The following RAPGEF2 variants were observed in gnomAD, a reference collection of about 807,000 sequenced individuals.
RAPGEF2 encodes the protein PDZ domain containing guanine nucleotide exchange factor (GEF) 1.
A neutral mutation model predicts 186.7 loss-of-function variants in RAPGEF2; 54 were observed. That is an observed-to-expected ratio of 0.29 (90% confidence interval 0.23 to 0.36). The LOEUF (loss-of-function observed/expected upper bound fraction) is 0.36. Ranked by LOEUF, RAPGEF2 falls within the 10% of genes least tolerant of loss-of-function variation. RAPGEF2 has a pLI of 1.00. For synonymous variants in RAPGEF2, 712 were observed against 705.9 expected, an observed-to-expected ratio of 1.01 and a Z score of -0.14; for missense variants, 1,532 against 2,045.0, an observed-to-expected ratio of 0.75 and a Z score of 4.84.
chr4:159,170,552 G>A (rs769940325), intron 1 of RAPGEF2, among the ~76,000 whole-genome samples: 7 of 152,100 alleles, frequency 4.6e-5, no homozygotes, highest in South Asian at 2.1e-4. Context: ...TAGGCTACAC[G>A]CAAACCCTAT....
At chr4:159,131,888 C>T (rs1183412405) in intron 1 of RAPGEF2, among the ~76,000 whole-genome samples, 1 of 152,020 alleles carries the variant, frequency 6.6e-6, no homozygotes, top group African/African-American at 2.4e-5. Context: ...GTTCTCTATG[C>T]TAACTGAAAA....
chr4:159,268,059 T>C (rs921143795), intron 7 of RAPGEF2: 11 of 1,491,880 alleles, frequency 7.4e-6, no homozygotes, highest in Non-Finnish European at 8.9e-6. Flanking sequence ...TTTTTTTTTT[T>C]CCTTTTTCTT....
intron 7 of RAPGEF2, chr4:159,267,632 G>T (rs1757578258): frequency 1.6e-6 from 1 of 644,960 alleles, no homozygotes; most frequent in Non-Finnish European, 2.1e-6. Context: ...TTTTCTCTTG[G>T]TTGGAGGGTT....
In RAPGEF2 at chr4:159,343,186, C is replaced by A; in HGVS notation, c.3126C>A (p.His1042Gln). ...PVIKKDLTFLHEGNDSKVDGL... is the reference protein window; with the variant it reads ...PVIKKDLTFLQEGNDSKVDGL... ...TCAAAAAGGATCTCACCTTCCTTCA[C>A]GAAGGTAAACATAAGGCAGAGGGTT... Residue 1042 changes from histidine to glutamine, a missense_variant, in exon 21 of 30, where the codon CAC becomes CAA. Physicochemically the swap from His to Gln is conservative, Grantham distance 24. Transcript: ENST00000691494. The A allele has an allele frequency of 3.1e-6, 5 of 1,613,852 alleles. No homozygotes were observed. The highest frequency in any genetic ancestry group is 1.1e-5 in the South Asian group (1 of 91,074).
At chr4:159,203,690 A>G (rs1353707884) in intron 3 of RAPGEF2, among the ~76,000 whole-genome samples, 1 of 152,230 alleles carries the variant, frequency 6.6e-6, no homozygotes, top group Non-Finnish European at 1.5e-5. Flanking sequence ...TTTGCAGCAT[A>G]AGGAATGTTG....
intron 14 of RAPGEF2, 38 bp from the exon 15 acceptor site, chr4:159,331,592 G>C: frequency 6.2e-7 from 1 of 1,611,576 alleles, no homozygotes. Context: ...TATTCAGCCT[G>C]TTCTTGAGTT....
chr4:159,234,475 C>A (rs539276608), intron 4 of RAPGEF2, among the ~76,000 whole-genome samples: 5 of 150,916 alleles, frequency 3.3e-5, no homozygotes, highest in Admixed American at 3.3e-4. Context: ...CTCTGCCTTC[C>A]GGGTTCAGGT....
At chr4:159,158,424 C>T (rs997569630) in intron 1 of RAPGEF2, among the ~76,000 whole-genome samples, 2 of 152,180 alleles carry the variant, frequency 1.3e-5, no homozygotes, top group Admixed American at 1.3e-4. Flanking sequence ...AGTTAATCTC[C>T]AGTCTCCCAA....
intron 20 of RAPGEF2, among the ~76,000 whole-genome samples, chr4:159,342,295 A>G (rs1444317713): frequency 2.0e-5 from 3 of 152,072 alleles, no homozygotes; most frequent in Admixed American, 2.0e-4. Context: ...AAATAACAAT[A>G]CCGCAAAGAG....
At chr4:159,333,966 T>C (rs527734532) in intron 17 of RAPGEF2, among the ~76,000 whole-genome samples, 7 of 152,196 alleles carry the variant, frequency 4.6e-5, no homozygotes, top group Non-Finnish European at 8.8e-5. Context: ...ATTAGAGAAA[T>C]GTGATTTAAA....
In RAPGEF2 at chr4:159,286,030, A is replaced by AACCACCACCACC. The variant is rs35426817; in HGVS notation, c.544-18271_544-18260dup. Among the ~76,000 whole-genome samples, 850 of 89,274 alleles carry AACCACCACCACC rather than the reference A, an allele frequency of 9.5e-3. 12 individuals are homozygous for AACCACCACCACC. The highest frequency in any genetic ancestry group is 0.016 in the South Asian group (30 of 1,888). The allele number at this position is 89,274 out of a possible 152,430, so 58.6% of individuals were successfully genotyped here. ...CTCTTAACACTTAACTGTTCCCCCC[A>AACCACCACCACC]ACCACCACCACCACCACCACCACCA... On this transcript the variant is annotated intron_variant, in intron 7 of 29. Coordinates refer to ENST00000691494, the MANE Select transcript of RAPGEF2 (RefSeq NM_001394067.2).
chr4:159,275,331 G>T (rs920905184), intron 7 of RAPGEF2, among the ~76,000 whole-genome samples: 7 of 152,036 alleles, frequency 4.6e-5, no homozygotes, highest in Non-Finnish European at 1.0e-4. Flanking sequence ...GTTAGCCTTA[G>T]ATTTATTAAC....
intron 1 of RAPGEF2, among the ~76,000 whole-genome samples, chr4:159,169,983 G>A (rs530986512): frequency 6.6e-6 from 1 of 151,908 alleles, no homozygotes; most frequent in South Asian, 2.1e-4. Context: ...TTTTTTTGCA[G>A]GAACCTCCAT....
At chr4:159,133,999 G>A (rs532810662) in intron 1 of RAPGEF2, among the ~76,000 whole-genome samples, 35 of 152,332 alleles carry the variant, frequency 2.3e-4, no homozygotes, top group African/African-American at 8.2e-4. Context: ...GATTACAGGT[G>A]TGAGCCACCA....
At chr4:159,125,068 A>G (rs1176433949) in intron 1 of RAPGEF2, among the ~76,000 whole-genome samples, 1 of 151,548 alleles carries the variant, frequency 6.6e-6, no homozygotes, top group Non-Finnish European at 1.5e-5. Flanking sequence ...GTTAGATGAG[A>G]GGTTTTAATA....
intron 7 of RAPGEF2, among the ~76,000 whole-genome samples, chr4:159,293,745 A>G (rs913287788): frequency 3.9e-5 from 6 of 152,208 alleles, no homozygotes; most frequent in African/African-American, 1.4e-4. Context: ...TGATCAATGG[A>G]CAAATTCCTT....
intron 7 of RAPGEF2, among the ~76,000 whole-genome samples, chr4:159,287,413 T>C (rs72699392): frequency 0.18 from 26,845 of 152,068 alleles, 2,572 homozygotes; most frequent in Admixed American, 0.24. Context: ...ATACAGACAT[T>C]CTATTTAGGA....
At chr4:159,289,996 T>C (rs1465118950) in intron 7 of RAPGEF2, among the ~76,000 whole-genome samples, 2 of 152,190 alleles carry the variant, frequency 1.3e-5, no homozygotes, top group Non-Finnish European at 2.9e-5. Context: ...ATATAACTTT[T>C]TCCAAAGGGA....
intron 1 of RAPGEF2, among the ~76,000 whole-genome samples, chr4:159,165,904 T>A (rs1745259811): frequency 6.6e-6 from 1 of 152,116 alleles, no homozygotes; most frequent in South Asian, 2.1e-4. Context: ...ACAATGGACA[T>A]TTTGGAAAAT....
Sources: gnomAD v4.1 joint callset for allele counts (sites outside exome capture counted in the v4.1 genomes callset) on GRCh38, gnomAD v4.1.1 for gene constraint, MANE v1.5 for transcripts, NCBI Gene and HGNC (gene_info 2026-07-23, HGNC 2026-07-21) for gene names.